OVCH2: variants seen among roughly 807,000 people sequenced by gnomAD.
The protein encoded by OVCH2 is ovochymase 2, also known as ovochymase-2.
Under a neutral mutation model 73.7 loss-of-function variants are expected in OVCH2, and 88 were observed. That is an observed-to-expected ratio of 1.19 (90% CI 1.01 to 1.43). The LOEUF (loss-of-function observed/expected upper bound fraction) is 1.43. Ranked by LOEUF, OVCH2 falls within the 40% of genes most tolerant of loss-of-function variation. OVCH2 has a pLI of 0.00. For missense variants in OVCH2, 706 were observed against 674.5 expected (o/e 1.05, Z -0.52); for synonymous variants, 265 against 234.5 (o/e 1.13, Z -1.19).
intron 12 of OVCH2, among the ~76,000 whole-genome samples, chr11:7,694,115 T>C (rs1856274373): frequency 6.6e-6 from 1 of 152,210 alleles, no homozygotes; most frequent in South Asian, 2.1e-4. Context: ...CTCCCCTTTA[T>C]TTTCTGCTCT....
In OVCH2 at chr11:7,698,809, G is replaced by C. The variant is rs1481184205; in HGVS notation, c.902-36C>G. The C allele has an allele frequency of 1.9e-6, 3 of 1,608,960 alleles. No individual in the cohort carries two copies. The South Asian group carries it at 3.3e-5, about 18-fold the overall frequency. On this transcript the variant is annotated intron_variant, in intron 7 of 15. Coordinates refer to ENST00000533663, the MANE Select transcript of OVCH2 (RefSeq NM_198185.7). ...AAAAGAAGGATGCAATTGAAAGCCTGTGGTATCCTGAACAACGCTTCAAGA... is the reference window on the plus strand; with the variant it reads ...AAAAGAAGGATGCAATTGAAAGCCTCTGGTATCCTGAACAACGCTTCAAGA...
intron 12 of OVCH2, among the ~76,000 whole-genome samples, chr11:7,693,290 G>C (rs1454850307): frequency 6.6e-6 from 1 of 152,198 alleles, no homozygotes; most frequent in Non-Finnish European, 1.5e-5. Flanking sequence ...GGCGTGGGGA[G>C]GGGGACCTGT....
chr11:7,696,050 TG>T (rs1476168824), intron 10 of OVCH2, among the ~76,000 whole-genome samples: 1 of 152,248 alleles, frequency 6.6e-6, no homozygotes, highest in African/African-American at 2.4e-5. Flanking sequence ...ATTCCATTTC[TG>T]TTTCTTGTAA....
chr11:7,682,107 C>T, the OVCH2 span, among the ~76,000 whole-genome samples: 1 of 152,278 alleles, frequency 6.6e-6, no homozygotes, highest in Non-Finnish European at 1.5e-5. Context: ...CCTTCATTTT[C>T]ATAGAGCTAT....
At chr11:7,694,158 AATT>A (rs1343988325) in intron 12 of OVCH2, among the ~76,000 whole-genome samples, 4 of 151,850 alleles carry the variant, frequency 2.6e-5, no homozygotes, top group South Asian at 2.1e-4. Flanking sequence ...TCTTGTTTTC[AATT>A]ATTATTTTAA....
At chr11:7,687,810 G>T (rs925665554), downstream of OVCH2, among the ~76,000 whole-genome samples, 21 of 152,142 alleles carry the variant, frequency 1.4e-4, no homozygotes, top group Non-Finnish European at 3.1e-4. Context: ...TCCAAGATCA[G>T]GGTATTGGCA....
intron 1 of OVCH2, among the ~76,000 whole-genome samples, chr11:7,704,882 G>C (rs986058544): frequency 6.6e-6 from 1 of 152,176 alleles, no homozygotes; most frequent in African/African-American, 2.4e-5. Flanking sequence ...GAAGTGTCCT[G>C]ATTCACAAGT....
At chr11:7,683,999 T>TA in the OVCH2 span, among the ~76,000 whole-genome samples, 9,271 of 149,338 alleles carry the variant, frequency 0.062, 967 homozygotes, top group African/African-American at 0.21. Flanking sequence ...ATCTGGCATT[T>TA]TATATATATA....
intron 12 of OVCH2, among the ~76,000 whole-genome samples, 198 bp downstream of exon 12, chr11:7,694,860 A>T (rs910608206): frequency 6.6e-6 from 1 of 150,412 alleles, no homozygotes; most frequent in Non-Finnish European, 1.5e-5. Flanking sequence ...TAGTGGAAAA[A>T]ATGTGTAGTT....
chr11:7,689,782 A>G (rs1590900755), intron 15 of OVCH2, 142 bp downstream of exon 15: 1 of 698,924 alleles, frequency 1.4e-6, no homozygotes, highest in African/African-American at 1.8e-5. Flanking sequence ...CTATCTCTAA[A>G]TAAGGTCACA....
chr11:7,700,754 A>G (rs759875333), intron 6 of OVCH2, among the ~76,000 whole-genome samples: 77 of 152,220 alleles, frequency 5.1e-4, no homozygotes, highest in Non-Finnish European at 8.7e-4. Context: ...CTCATGCTGC[A>G]GACTCAGAGA....
intron 7 of OVCH2, chr11:7,700,060 A>C (rs910848524): frequency 2.2e-6 from 1 of 455,422 alleles, no homozygotes; most frequent in East Asian, 3.5e-5. Flanking sequence ...GGCCAGTTTG[A>C]GAAGGTCTAG....
rs541441670 is a variant in OVCH2, at chr11:7,701,729, G to A, written c.546C>T (p.Gly182=). ...AGFICTTAGW[G]RLTEGGVLSQ... ...ACAAGTTCTTACCTTCAGTTAAGCGGCCCCAGCCTGCAGTTGTACAAATAA... is the reference window on the plus strand; with the variant it reads ...ACAAGTTCTTACCTTCAGTTAAGCGACCCCAGCCTGCAGTTGTACAAATAA... Residue 182 remains glycine (G), a synonymous_variant, in exon 5 of 16, where the codon GGC becomes GGT. Coordinates refer to ENST00000533663, the MANE Select transcript of OVCH2 (RefSeq NM_198185.7). 31 of 1,611,454 alleles carry A rather than the reference G, an allele frequency of 1.9e-5. No individual in the cohort carries two copies. Among genetic ancestry groups the A allele is most frequent in the South Asian group, 7.8e-5 (7 of 90,316 alleles).
intron 12 of OVCH2, among the ~76,000 whole-genome samples, chr11:7,694,559 G>A (rs1856284753): frequency 6.6e-6 from 1 of 152,120 alleles, no homozygotes; most frequent in South Asian, 2.1e-4. Flanking sequence ...TAATAAATAA[G>A]GAAGACATGC....
chr11:7,694,965 G>A (rs1009812300), intron 12 of OVCH2, 93 bp downstream of exon 12: 17 of 1,412,908 alleles, frequency 1.2e-5, no homozygotes, highest in African/African-American at 8.8e-5. Context: ...ACACAGCAGT[G>A]AATAAATCAG....
chr11:7,694,632 G>GTTTGTTT (rs375600804), intron 12 of OVCH2, among the ~76,000 whole-genome samples: 1 of 114,758 alleles, frequency 8.7e-6, no homozygotes, highest in African/African-American at 2.9e-5. Context: ...GTTTTGTTTT[G>GTTTGTTT]TGTTTTGAGA....
intron 3 of OVCH2, among the ~76,000 whole-genome samples, 156 bp from the exon 4 acceptor site, chr11:7,702,485 GA>G (rs964925270): frequency 1.4e-4 from 21 of 152,086 alleles, no homozygotes; most frequent in African/African-American, 5.1e-4. Flanking sequence ...AACACTGTTA[GA>G]AAAAAATGCA....
At position 7,695,047 on chromosome 11, in the gene OVCH2, A is replaced by G; in HGVS notation, c.1413+11T>C. ...TTACCATAGCTACGTAAGGACAGCC[A>G]AAGTCAATACCTTAATTAGGTGATG... On this transcript the variant is annotated intron_variant, in intron 12 of 15. Coordinates refer to ENST00000533663, the MANE Select transcript of OVCH2 (RefSeq NM_198185.7). 1 of 1,548,154 alleles carries G rather than the reference A, an allele frequency of 6.5e-7. No homozygotes were observed. The highest frequency in any genetic ancestry group is 8.7e-7 in the Non-Finnish European group (1 of 1,146,152).
chr11:7,693,786 C>T lies in OVCH2; in HGVS notation c.1413+1272G>A, dbSNP rs183836458. On this transcript the variant is annotated intron_variant, in intron 12 of 15. Transcript: ENST00000533663. ...GTGATCTTGTTTCTGCCATTAACATCTGACTTCACGTGATATTTCAGATAC... is the reference window on the plus strand; with the variant it reads ...GTGATCTTGTTTCTGCCATTAACATTTGACTTCACGTGATATTTCAGATAC... Among the ~76,000 whole-genome samples the T allele has an allele frequency of 2.6e-5, 4 of 152,314 alleles. No homozygotes were observed. In the East Asian group the frequency reaches 7.7e-4, roughly 29 times the overall value.
Sources: allele counts gnomAD v4.1 joint callset (sites outside exome capture counted in the v4.1 genomes callset), GRCh38; gene constraint gnomAD v4.1.1; transcripts MANE v1.5; gene names NCBI Gene and HGNC (gene_info 2026-07-23, HGNC 2026-07-21).